CHCHD3: variants seen among roughly 807,000 people sequenced by gnomAD.
The protein encoded by CHCHD3 is coiled-coil-helix-coiled-coil-helix domain containing 3.
In CHCHD3, 20 loss-of-function variants were observed where a neutral mutation model predicts 38.2. That is an observed-to-expected ratio of 0.52 (90% CI 0.37 to 0.76). The LOEUF (loss-of-function observed/expected upper bound fraction) is 0.76. Among genes scored for constraint, CHCHD3 ranks in the 30% least tolerant of loss-of-function variants. CHCHD3 has a pLI of 0.00. For missense variants in CHCHD3, 245 were observed against 279.2 expected (o/e 0.88, Z 0.87); for synonymous variants, 82 against 100.0 (o/e 0.82, Z 1.07).
chr7:132,873,549 G>A (rs1392382595), intron 5 of CHCHD3, among the ~76,000 whole-genome samples: 1 of 151,810 alleles, frequency 6.6e-6, no homozygotes, highest in African/African-American at 2.4e-5. Flanking sequence ...GAATAGCTGG[G>A]ACTACAGGCG....
chr7:132,863,322 C>T (rs1313252619), intron 5 of CHCHD3, among the ~76,000 whole-genome samples: 1 of 152,188 alleles, frequency 6.6e-6, no homozygotes, highest in African/African-American at 2.4e-5. Context: ...ACTAGGTGCA[C>T]TGTCAATGAG....
intron 6 of CHCHD3, among the ~76,000 whole-genome samples, chr7:132,837,340 C>T (rs915142180): frequency 2.6e-5 from 4 of 151,946 alleles, no homozygotes; most frequent in South Asian, 2.1e-4. Flanking sequence ...AAATCTATAA[C>T]CAGTTCTATT....
At chr7:133,009,559 C>T (rs994807353) in intron 3 of CHCHD3, among the ~76,000 whole-genome samples, 6 of 151,218 alleles carry the variant, frequency 4.0e-5, no homozygotes, top group South Asian at 4.2e-4. Flanking sequence ...AACTCTGTCA[C>T]GAAACCAGGG....
chr7:133,039,203 G>C (rs1584664906), intron 2 of CHCHD3, among the ~76,000 whole-genome samples: 1 of 152,026 alleles, frequency 6.6e-6, no homozygotes, highest in Admixed American at 6.6e-5. Context: ...ACCTATTTGT[G>C]GGTATTCTAT....
intron 3 of CHCHD3, among the ~76,000 whole-genome samples, chr7:133,006,668 C>T (rs1201569741): frequency 1.3e-5 from 2 of 151,872 alleles, no homozygotes; most frequent in East Asian, 1.9e-4. Flanking sequence ...TTCTTGAGGG[C>T]AATTTGACAA....
At chr7:132,819,408 T>G (rs941437687) in intron 6 of CHCHD3, among the ~76,000 whole-genome samples, 1 of 152,198 alleles carries the variant, frequency 6.6e-6, no homozygotes, top group Admixed American at 6.5e-5. Flanking sequence ...CTTTTTTTTT[T>G]CTTTTTGCTT....
At position 132,816,165 on chromosome 7, in the gene CHCHD3, C is replaced by T. The variant is rs557083107; in HGVS notation, c.525-19588G>A. Among the ~76,000 whole-genome samples, 3 of 152,274 alleles carry T rather than the reference C, an allele frequency of 2.0e-5. No individual in the cohort carries two copies. In the South Asian group the frequency reaches 6.2e-4, roughly 32 times the overall value. On this transcript the variant is annotated intron_variant, in intron 6 of 7. Transcript: ENST00000262570. ...AAGCCTGGCTCTCTTCCAATAAGCA[C>T]CTTGCCATACAAAATCCACAGTTTC... is the stretch of plus-strand genomic sequence containing the variant.
intron 5 of CHCHD3, among the ~76,000 whole-genome samples, chr7:132,880,407 C>T (rs1233050382): frequency 1.3e-5 from 2 of 152,154 alleles, no homozygotes; most frequent in African/African-American, 4.8e-5. Flanking sequence ...AATAAGGATG[C>T]TATAAACAAT....
At chr7:132,817,267 T>G (rs752064045) in intron 6 of CHCHD3, among the ~76,000 whole-genome samples, 8 of 152,072 alleles carry the variant, frequency 5.3e-5, no homozygotes, top group Non-Finnish European at 1.2e-4. Context: ...TGAGATGCCT[T>G]CCCCCAACAA....
chr7:133,051,869 A>C (rs1055858883), intron 2 of CHCHD3: 1 of 152,240 alleles, frequency 6.6e-6, no homozygotes, highest in African/African-American at 2.4e-5. Flanking sequence ...AAGACGAATG[A>C]AAATGGTTCT....
intron 2 of CHCHD3, among the ~76,000 whole-genome samples, chr7:133,059,476 C>A (rs561256585): frequency 1.1e-4 from 17 of 152,062 alleles, no homozygotes; most frequent in Non-Finnish European, 2.2e-4. Flanking sequence ...GGGAAAATCC[C>A]AACTCACTAC....
At chr7:133,039,337 T>C (rs1170729176) in intron 2 of CHCHD3, among the ~76,000 whole-genome samples, 1 of 152,238 alleles carries the variant, frequency 6.6e-6, no homozygotes, top group African/African-American at 2.4e-5. Flanking sequence ...ATCTTATTTA[T>C]TTGGATTTAA....
At chr7:132,963,347 T>C (rs954126014) in intron 4 of CHCHD3, among the ~76,000 whole-genome samples, 1 of 144,564 alleles carries the variant, frequency 6.9e-6, no homozygotes, top group Admixed American at 6.9e-5. Context: ...TTTTTTTTTT[T>C]TTTGCCAGGC....
chr7:132,870,352 A>C (rs1322722440), intron 5 of CHCHD3, among the ~76,000 whole-genome samples: 3 of 27,178 alleles, frequency 1.1e-4, no homozygotes, highest in African/African-American at 1.8e-4. Context: ...CTATCTCACC[A>C]AAAAAAAAAA....
chr7:132,926,558 T>A (rs1810383393), intron 4 of CHCHD3, among the ~76,000 whole-genome samples: 1 of 152,130 alleles, frequency 6.6e-6, no homozygotes, highest in African/African-American at 2.4e-5. Context: ...GAGGCGCAAA[T>A]GAGATAATGT....
chr7:132,958,326 ATACT>A (rs1447432956), intron 4 of CHCHD3, among the ~76,000 whole-genome samples: 7 of 152,344 alleles, frequency 4.6e-5, no homozygotes, highest in South Asian at 4.1e-4. Context: ...TTGTAAATTA[ATACT>A]TACTCATTTC....
At chr7:132,845,662 T>G (rs576631298) in intron 5 of CHCHD3, among the ~76,000 whole-genome samples, 1 of 152,206 alleles carries the variant, frequency 6.6e-6, no homozygotes, top group Non-Finnish European at 1.5e-5. Context: ...TTTTACTCTA[T>G]ATGTGAATCT....
chr7:132,835,450 G>A (rs1351254926), intron 6 of CHCHD3, among the ~76,000 whole-genome samples: 3 of 152,202 alleles, frequency 2.0e-5, no homozygotes, highest in Non-Finnish European at 4.4e-5. Flanking sequence ...GAATGATGCT[G>A]TTGAGGTTCT....
intron 2 of CHCHD3, among the ~76,000 whole-genome samples, chr7:133,027,450 G>T (rs577507744): frequency 6.2e-5 from 9 of 145,430 alleles, no homozygotes; most frequent in South Asian, 2.4e-4. Context: ...GGGAGGGAGG[G>T]GGGGAGAGGA....
Sources: allele counts gnomAD v4.1 joint callset (sites outside exome capture counted in the v4.1 genomes callset), GRCh38; gene constraint gnomAD v4.1.1; transcripts MANE v1.5; gene names NCBI Gene and HGNC (gene_info 2026-07-23, HGNC 2026-07-21).